The following UGGT2 variants were observed in gnomAD, a reference collection of about 807,000 sequenced individuals.
UGGT2 encodes the protein UDP-glucose:glycoprotein glucosyltransferase 2.
Under a neutral mutation model 192.1 loss-of-function variants are expected in UGGT2, and 180 were observed. The ratio of observed to expected loss-of-function variants is 0.94; its 90% CI spans 0.83 to 1.06. The LOEUF (loss-of-function observed/expected upper bound fraction) is 1.06. UGGT2 is among the 50% of genes least tolerant of loss of function. UGGT2 has a pLI of 0.00. For missense variants in UGGT2, 1,849 were observed against 1,795.7 expected, an observed-to-expected ratio of 1.03 and a Z score of -0.54; for synonymous variants, 580 against 591.0, an observed-to-expected ratio of 0.98 and a Z score of 0.27.
chr13:95,807,664 T>C (rs989034963), intron 38 of UGGT2, among the ~76,000 whole-genome samples: 2 of 150,810 alleles, frequency 1.3e-5, no homozygotes, highest in Non-Finnish European at 3.0e-5. Flanking sequence ...TGGTGTCTTC[T>C]AGCTCTTTAA....
At chr13:95,895,063 T>C in intron 23 of UGGT2, 117 bp downstream of exon 23, 1 of 1,031,688 alleles carries the variant, frequency 9.7e-7, no homozygotes, top group Non-Finnish European at 1.4e-6. Context: ...ATTCTTTATA[T>C]ATGTCTTTTA....
At chr13:95,873,560 A>G (rs536793915) in intron 29 of UGGT2, among the ~76,000 whole-genome samples, 1 of 152,164 alleles carries the variant, frequency 6.6e-6, no homozygotes, top group Non-Finnish European at 1.5e-5. Context: ...CCCATGCTCT[A>G]TTCCCTTATA....
intron 21 of UGGT2, 55 bp downstream of exon 21, chr13:95,902,799 C>A: frequency 6.6e-7 from 1 of 1,510,040 alleles, no homozygotes. Flanking sequence ...CAAATACACT[C>A]ACACTTTTAA....
At position 95,828,491 on chromosome 13, in the gene UGGT2, C is replaced by T. The variant is rs183124616; in HGVS notation, c.4528+4436G>A. 1.8e-4 allele frequency among the ~76,000 whole-genome samples: 28 copies of T among 152,152 alleles called. 1 individual carries two copies. The highest frequency in any genetic ancestry group is 1.2e-3 in the Admixed American group (19 of 15,276). On this transcript the variant is annotated intron_variant, in intron 38 of 38. Coordinates refer to ENST00000376747, the MANE Select transcript of UGGT2 (RefSeq NM_020121.4). ...TAAAAAATGATAAAGGGGATATCAC[C>T]ACTGATCCCACAGAAATACAAACTA...
intron 20 of UGGT2, among the ~76,000 whole-genome samples, chr13:95,913,124 C>T (rs563359312): frequency 1.6e-4 from 24 of 152,270 alleles, no homozygotes; most frequent in South Asian, 8.3e-4. Flanking sequence ...AGACCTAAAA[C>T]CACAAAACCC....
intron 38 of UGGT2, among the ~76,000 whole-genome samples, chr13:95,816,826 G>C (rs1884944220): frequency 6.6e-6 from 1 of 152,140 alleles, no homozygotes; most frequent in South Asian, 2.1e-4. Context: ...GTATATATTA[G>C]TAAAAAGTCA....
At chr13:95,903,363 G>T (rs934094145) in intron 20 of UGGT2, among the ~76,000 whole-genome samples, 1 of 152,140 alleles carries the variant, frequency 6.6e-6, no homozygotes, top group African/African-American at 2.4e-5. Flanking sequence ...AGAGCTCAGT[G>T]AATTAACCCA....
At chr13:95,846,026 G>A (rs1178114618) in intron 36 of UGGT2, among the ~76,000 whole-genome samples, 5 of 152,118 alleles carry the variant, frequency 3.3e-5, no homozygotes, top group South Asian at 2.1e-4. Flanking sequence ...ACGGGGTGGC[G>A]GCCAGGCAGA....
chr13:96,008,837 T>C (rs969931807), intron 5 of UGGT2, among the ~76,000 whole-genome samples: 8 of 152,228 alleles, frequency 5.3e-5, no homozygotes, highest in African/African-American at 1.9e-4. Flanking sequence ...GCTATTCCTA[T>C]CAAACTACCA....
chr13:96,003,094 T>A (rs116631520), intron 5 of UGGT2, among the ~76,000 whole-genome samples: 1 of 152,150 alleles, frequency 6.6e-6, no homozygotes, highest in East Asian at 1.9e-4. Context: ...GGGGATGAGC[T>A]TGCCATGAAT....
chr13:95,889,430 C>CT (rs971411257), intron 25 of UGGT2, among the ~76,000 whole-genome samples: 2 of 152,034 alleles, frequency 1.3e-5, no homozygotes, highest in African/African-American at 4.8e-5. Flanking sequence ...GCACTAAATT[C>CT]TAAAAAAAAT....
intron 1 of UGGT2, among the ~76,000 whole-genome samples, chr13:96,041,539 G>C (rs1337840772): frequency 1.1e-4 from 16 of 152,164 alleles, no homozygotes; most frequent in Admixed American, 7.9e-4. Flanking sequence ...AAACTCCACA[G>C]GTGGGGAAGC....
intron 5 of UGGT2, among the ~76,000 whole-genome samples, chr13:96,005,585 C>T (rs766207095): frequency 3.9e-5 from 6 of 152,032 alleles, no homozygotes; most frequent in African/African-American, 4.8e-5. Context: ...CCACTGAAGA[C>T]GGGAGAAATG....
At chr13:95,857,725 A>G (rs1889754265) in intron 33 of UGGT2, among the ~76,000 whole-genome samples, 2 of 152,198 alleles carry the variant, frequency 1.3e-5, no homozygotes, top group Non-Finnish European at 2.9e-5. Flanking sequence ...AAAATTTTGA[A>G]TGAAAGAAAC....
intron 9 of UGGT2, 81 bp from the exon 10 acceptor site, chr13:95,983,945 T>A: frequency 3.3e-6 from 3 of 902,790 alleles, no homozygotes; most frequent in African/African-American, 1.7e-5. Flanking sequence ...AATCTAATAC[T>A]TTGGATAAGA....
chr13:96,041,502 T>C (rs865864199), intron 1 of UGGT2, among the ~76,000 whole-genome samples: 3 of 152,106 alleles, frequency 2.0e-5, no homozygotes, highest in Admixed American at 1.3e-4. Context: ...TGGCCAGAAC[T>C]TGGGAGAGGG....
intron 20 of UGGT2, among the ~76,000 whole-genome samples, chr13:95,918,492 A>T (rs2048747275): frequency 6.6e-6 from 1 of 152,124 alleles, no homozygotes; most frequent in African/African-American, 2.4e-5. Flanking sequence ...GAGCAAACAA[A>T]CCCCAAAGCT....
At chr13:95,836,047 T>TG (rs1444355048) in intron 37 of UGGT2, among the ~76,000 whole-genome samples, 28 of 151,712 alleles carry the variant, frequency 1.8e-4, no homozygotes, top group African/African-American at 4.9e-5. Flanking sequence ...AGCCCTTTTT[T>TG]TTTGTTTGTT....
chr13:95,923,321 T>C (rs1429435201), intron 20 of UGGT2, among the ~76,000 whole-genome samples: 1 of 151,920 alleles, frequency 6.6e-6, no homozygotes, highest in Non-Finnish European at 1.5e-5. Flanking sequence ...AGCCACGTGA[T>C]TAGCTGGGAT....
Sources: gnomAD v4.1 joint callset for allele counts (sites outside exome capture counted in the v4.1 genomes callset) on GRCh38, gnomAD v4.1.1 for gene constraint, MANE v1.5 for transcripts, NCBI Gene and HGNC (gene_info 2026-07-23, HGNC 2026-07-21) for gene names.